Variants in MEIS2 observed in about 807,000 individuals in gnomAD.
MEIS2 encodes Meis homeobox 2.
MEIS2 carries 9 observed loss-of-function variants against 58.6 expected under a neutral mutation model. That is an observed-to-expected ratio of 0.15 (90% CI 0.09 to 0.27). MEIS2 has a LOEUF of 0.27. MEIS2 is among the 10% of genes least tolerant of loss of function. The probability of loss-of-function intolerance (pLI) is 1.00; values close to 1 mark genes in which losing one functional copy is unlikely to be tolerated. For missense variants in MEIS2, 427 were observed against 635.0 expected, an observed-to-expected ratio of 0.67 and a Z score of 3.52; for synonymous variants, 221 against 228.4, an observed-to-expected ratio of 0.97 and a Z score of 0.29.
intron 8 of MEIS2, among the ~76,000 whole-genome samples, chr15:36,968,216 C>T (rs1438282134): frequency 6.6e-6 from 1 of 152,178 alleles, no homozygotes; most frequent in African/African-American, 2.4e-5. Flanking sequence ...GCTTCTTGAT[C>T]ACTACTTTGA....
Position 36,973,525 on chromosome 15 carries a change from T to C in MEIS2, c.901-23125A>G, listed in dbSNP as rs534969282. Among the ~76,000 whole-genome samples, 4 of 152,252 alleles carry C rather than the reference T, an allele frequency of 2.6e-5. No homozygotes were observed. The East Asian group carries it at 7.7e-4, about 29-fold the overall frequency. ...ACTATAGAATAAAGAGCCTGGAACT[T>C]AGTAGGTGTTATAAAACATTGGTTT... On this transcript the variant is annotated intron_variant, in intron 8 of 11. Coordinates refer to ENST00000561208, the MANE Select transcript of MEIS2 (RefSeq NM_170675.5).
chr15:37,009,702 C>A (rs183712006), intron 8 of MEIS2, among the ~76,000 whole-genome samples: 21 of 152,278 alleles, frequency 1.4e-4, no homozygotes, highest in Non-Finnish European at 2.6e-4. Context: ...TGATACTTCA[C>A]AAAATTATCC....
At chr15:36,896,953 A>G (rs146313564) in intron 9 of MEIS2, 161 of 358,472 alleles carry the variant, frequency 4.5e-4, no homozygotes, top group African/African-American at 2.9e-3. Context: ...TTAACTTCAA[A>G]TTGTGCTTCT....
chr15:36,943,734 T>A (rs751529286), intron 9 of MEIS2, among the ~76,000 whole-genome samples: 3 of 152,108 alleles, frequency 2.0e-5, no homozygotes, highest in African/African-American at 7.2e-5. Context: ...CAGCTTGCTA[T>A]GAAAACCATA....
chr15:37,091,879 T>C (rs1041263243), intron 6 of MEIS2, among the ~76,000 whole-genome samples: 2 of 152,032 alleles, frequency 1.3e-5, no homozygotes, highest in African/African-American at 4.8e-5. Context: ...ACCATGTAAA[T>C]AGATCCCTCC....
At chr15:36,964,733 A>G (rs1387700508) in intron 8 of MEIS2, among the ~76,000 whole-genome samples, 3 of 152,184 alleles carry the variant, frequency 2.0e-5, no homozygotes, top group Non-Finnish European at 2.9e-5. Context: ...TAGTGGATAA[A>G]CATTTGAATT....
chr15:36,929,929 G>A (rs944152498), intron 9 of MEIS2, among the ~76,000 whole-genome samples: 3 of 152,064 alleles, frequency 2.0e-5, no homozygotes, highest in African/African-American at 7.2e-5. Context: ...GAGGCCCGGT[G>A]TGGTGGCTCA....
At position 37,073,450 on chromosome 15, in the gene MEIS2, G is replaced by A. The variant is rs185288976; in HGVS notation, c.754+10321C>T. On this transcript the variant is annotated intron_variant, in intron 7 of 11. Coordinates refer to ENST00000561208, the MANE Select transcript of MEIS2 (RefSeq NM_170675.5). ...GAGAAGGTAAGCCGTTGAAGATAAG[G>A]ACCCTTGTGATTTCCATATTTTTAT... Among the ~76,000 whole-genome samples the A allele has an allele frequency of 2.7e-3, 415 of 152,022 alleles. 4 individuals carry two copies. Among genetic ancestry groups the A allele is most frequent in the Non-Finnish European group, 1.8e-3 (125 of 67,930 alleles).
At chr15:36,923,342 T>A (rs982018979) in intron 9 of MEIS2, among the ~76,000 whole-genome samples, 1 of 152,048 alleles carries the variant, frequency 6.6e-6, no homozygotes, top group African/African-American at 2.4e-5. Flanking sequence ...TTTTTTTTTC[T>A]TTTTACTTTT....
At chr15:37,076,767 A>G (rs1386904083) in intron 7 of MEIS2, among the ~76,000 whole-genome samples, 1 of 152,112 alleles carries the variant, frequency 6.6e-6, no homozygotes, top group Non-Finnish European at 1.5e-5. Context: ...TCACCTAATG[A>G]GTTAATAGTC....
intron 9 of MEIS2, among the ~76,000 whole-genome samples, chr15:36,939,776 T>C (rs2058311589): frequency 6.6e-6 from 1 of 152,218 alleles, no homozygotes; most frequent in South Asian, 2.1e-4. Flanking sequence ...TTTTATTGTA[T>C]AAAGATTTTC....
At chr15:37,032,121 G>C (rs2061954042) in intron 8 of MEIS2, among the ~76,000 whole-genome samples, 2 of 152,094 alleles carry the variant, frequency 1.3e-5, no homozygotes, top group South Asian at 2.1e-4. Context: ...AGTAAAATTT[G>C]CTTCTGATTC....
At chr15:37,074,209 T>G (rs1411610627) in intron 7 of MEIS2, among the ~76,000 whole-genome samples, 1 of 151,936 alleles carries the variant, frequency 6.6e-6, no homozygotes, top group Non-Finnish European at 1.5e-5. Context: ...GATAGAACAG[T>G]CTATTGGTAT....
intron 8 of MEIS2, among the ~76,000 whole-genome samples, chr15:36,974,596 A>G (rs1306163044): frequency 6.6e-6 from 1 of 152,228 alleles, no homozygotes; most frequent in African/African-American, 2.4e-5. Flanking sequence ...GCTGCCCCTC[A>G]GCCCACCTTA....
rs562457469 is a variant in MEIS2, at chr15:37,099,625, C to T, written c.-159G>A. On this transcript the variant is annotated 5_prime_UTR_variant, in exon 1 of 12. Coordinates refer to ENST00000561208, the MANE Select transcript of MEIS2 (RefSeq NM_170675.5). ...CTATTTTTTAGGGGGGAAAAAAAGC[C>T]CAGTCTAGACAACGAAGAATTTTTT... 1.3e-4 allele frequency: 133 copies of T among 1,012,646 alleles called. 2 individuals are homozygous for T. In the South Asian group the frequency reaches 2.2e-3, roughly 17 times the overall value. 62.7% of individuals were successfully genotyped at this position (1,012,646 alleles called of 1,614,324 possible).
Position 37,094,589 on chromosome 15 carries a change from G to A in MEIS2, c.439-12C>T, listed in dbSNP as rs576001424. On this transcript the variant is annotated splice_polypyrimidine_tract_variant and intron_variant, in intron 4 of 11. Transcript: ENST00000561208. ...ATTGCTTGTATCATCTGAAAGAAAA[G>A]TTCAGGGAATGGAGTTAGAGCTCTG... 1.2e-6 allele frequency: 2 copies of A among 1,610,518 alleles called. No homozygotes were observed. Among genetic ancestry groups the A allele is most frequent in the Admixed American group, 3.4e-5 (2 of 59,570 alleles).
At chr15:36,983,312 G>C (rs918861824) in intron 8 of MEIS2, among the ~76,000 whole-genome samples, 3 of 151,916 alleles carry the variant, frequency 2.0e-5, no homozygotes, top group Non-Finnish European at 4.4e-5. Context: ...TTCATTTTTA[G>C]CTGCTTTTTG....
chr15:36,912,982 CT>C (rs2057111843), intron 9 of MEIS2, among the ~76,000 whole-genome samples: 1 of 152,126 alleles, frequency 6.6e-6, no homozygotes, highest in African/African-American at 2.4e-5. Context: ...CCGCACCTGC[CT>C]TTGGTTAATC....
intron 8 of MEIS2, among the ~76,000 whole-genome samples, chr15:37,026,345 G>C (rs184237657): frequency 1.3e-5 from 2 of 152,204 alleles, no homozygotes; most frequent in African/African-American, 4.8e-5. Context: ...TTCTGGGTAA[G>C]AAAAAAGCCA....
Sources: allele counts gnomAD v4.1 joint callset (sites outside exome capture counted in the v4.1 genomes callset), GRCh38; gene constraint gnomAD v4.1.1; transcripts MANE v1.5; gene names NCBI Gene and HGNC (gene_info 2026-07-23, HGNC 2026-07-21).